ATP8A1: variants seen among roughly 807,000 people sequenced by gnomAD.
The protein encoded by ATP8A1 is ATPase phospholipid transporting 8A1, also known as phospholipid-transporting ATPase IA.
ATP8A1 carries 90 observed loss-of-function variants against 177.7 expected under a neutral mutation model. The observed-to-expected ratio is 0.51, with a 90% confidence interval of 0.43 to 0.60. The LOEUF is 0.60. Ranked by LOEUF, ATP8A1 falls within the 20% of genes least tolerant of loss-of-function variation. The pLI is 0.00. For synonymous variants in ATP8A1, 493 were observed against 485.9 expected (o/e 1.01, Z -0.19); for missense variants, 1,072 against 1,392.8 (o/e 0.77, Z 3.67).
chr4:42,515,103 C>T (rs990859533), intron 22 of ATP8A1, among the ~76,000 whole-genome samples: 2 of 152,168 alleles, frequency 1.3e-5, no homozygotes, highest in Non-Finnish European at 2.9e-5. Context: ...ACTTTAGAGG[C>T]CCTCCAACTA....
In ATP8A1 at chr4:42,575,660, T is replaced by C. The variant is rs761503527; in HGVS notation, c.1168A>G (p.Met390Val). Residue 390 changes from methionine to valine, a missense_variant, in exon 13 of 37, where the codon ATG becomes GTG. Met to Val is a conservative substitution (Grantham distance 21). Coordinates refer to ENST00000381668, the MANE Select transcript of ATP8A1 (RefSeq NM_006095.2). Reference sequence around the variant, plus strand: ...TCATTCAGATTAGATGTTCGAGCCATAGCAGCAGTGTCTGTGGGTTCATAG... The same window carrying C: ...TCATTCAGATTAGATGTTCGAGCCACAGCAGCAGTGTCTGTGGGTTCATAG... ...MHYEPTDTAA[M>V]ARTSNLNEEL... 13 of 1,613,770 alleles carry C rather than the reference T, an allele frequency of 8.1e-6. No homozygotes were observed. The highest frequency in any genetic ancestry group is 1.0e-5 in the Non-Finnish European group (12 of 1,179,758).
intron 20 of ATP8A1, among the ~76,000 whole-genome samples, chr4:42,529,387 G>A (rs1727025607): frequency 1.3e-5 from 2 of 152,186 alleles, no homozygotes; most frequent in South Asian, 4.1e-4. Context: ...ATTTGACCAT[G>A]GGTCATCAAG....
chr4:42,479,090 T>A (rs1721387972), intron 25 of ATP8A1, among the ~76,000 whole-genome samples: 1 of 152,222 alleles, frequency 6.6e-6, no homozygotes, highest in Non-Finnish European at 1.5e-5. Flanking sequence ...CCATGTTCAT[T>A]CATGAGCTAC....
intron 35 of ATP8A1, among the ~76,000 whole-genome samples, chr4:42,422,523 C>G (rs1714090684): frequency 6.6e-6 from 1 of 152,140 alleles, no homozygotes; most frequent in African/African-American, 2.4e-5. Flanking sequence ...ATGCTAAGTT[C>G]TTTATAATAC....
chr4:42,461,391 T>C lies in ATP8A1; in HGVS notation c.2619+3299A>G, dbSNP rs192962334. Among the ~76,000 whole-genome samples the C allele has an allele frequency of 1.2e-3, 179 of 152,170 alleles. 1 individual carries two copies. The highest frequency in any genetic ancestry group is 4.2e-3 in the African/African-American group (173 of 41,502). ...GGACTGGTGGGAGGTAATTGAGTCA[T>C]GGGGCCAAGTCTTTCCAATGCTGTT... On this transcript the variant is annotated intron_variant, in intron 27 of 36. Coordinates refer to ENST00000381668, the MANE Select transcript of ATP8A1 (RefSeq NM_006095.2).
Position 42,552,537 on chromosome 4 carries a change from C to T in ATP8A1, c.1487G>A (p.Gly496Asp). Reference sequence around the variant, plus strand: ...TGCTGCTTGATAAATAATCTTGTCACCTTCTCGCTCTGGCACTGCTGTGTG... The same window carrying T: ...TGCTGCTTGATAAATAATCTTGTCATCTTCTCGCTCTGGCACTGCTGTGTG... ...VCHTAVPEREGDKIIYQAASP... is the reference protein window; with the variant it reads ...VCHTAVPEREDDKIIYQAASP... The change falls in exon 17 of 37, where the codon GGT (glycine) becomes GAT (aspartate). Residue 496 changes from glycine to aspartate, a missense_variant. Coordinates refer to ENST00000381668, the MANE Select transcript of ATP8A1 (RefSeq NM_006095.2). 2.5e-6 allele frequency: 4 copies of T among 1,613,080 alleles called. No homozygotes were observed. The highest frequency in any genetic ancestry group is 3.4e-6 in the Non-Finnish European group (4 of 1,179,604).
At chr4:42,470,280 A>G (rs1720255052) in intron 25 of ATP8A1, among the ~76,000 whole-genome samples, 1 of 152,142 alleles carries the variant, frequency 6.6e-6, no homozygotes, top group Admixed American at 6.5e-5. Flanking sequence ...CATGTTATTC[A>G]TTATTTTTCT....
intron 33 of ATP8A1, 22 bp downstream of exon 33, chr4:42,443,543 G>T (rs765280728): frequency 2.2e-6 from 2 of 927,780 alleles, no homozygotes; most frequent in African/African-American, 1.6e-5. Flanking sequence ...TTGTTGGATT[G>T]TGAGTTATTA....
intron 35 of ATP8A1, among the ~76,000 whole-genome samples, chr4:42,416,932 A>G: frequency 6.6e-6 from 1 of 152,218 alleles, no homozygotes; most frequent in Non-Finnish European, 1.5e-5. Context: ...TTTCTAGTCA[A>G]CATAAGCGCA....
chr4:42,544,364 C>G (rs1184762539), intron 19 of ATP8A1, among the ~76,000 whole-genome samples: 1 of 152,068 alleles, frequency 6.6e-6, no homozygotes, highest in East Asian at 1.9e-4. Context: ...ATAGAAATAT[C>G]AATACAAATC....
In ATP8A1 at chr4:42,426,459, G is replaced by A. The variant is rs1321567312; in HGVS notation, c.3124-2754C>T. Among the ~76,000 whole-genome samples, 3 of 152,322 alleles carry A rather than the reference G, an allele frequency of 2.0e-5. No individual in the cohort carries two copies. In the East Asian group the frequency reaches 5.8e-4, roughly 29 times the overall value. ...AAGACTGTCTCCATGGACCCCAGTT[G>A]GAGCAGGTCTGGTGATAGGCCTGGA... On this transcript the variant is annotated intron_variant, in intron 33 of 36. Transcript: ENST00000381668.
chr4:42,507,870 AAC>A (rs2153194592), intron 22 of ATP8A1, among the ~76,000 whole-genome samples: 1 of 150,408 alleles, frequency 6.6e-6, no homozygotes, highest in African/African-American at 2.4e-5. Flanking sequence ...CCTGTTTAAA[AAC>A]AGTGAGGTTA....
intron 1 of ATP8A1, among the ~76,000 whole-genome samples, chr4:42,633,700 C>A (rs553974561): frequency 6.6e-6 from 1 of 152,206 alleles, no homozygotes; most frequent in Admixed American, 6.5e-5. Flanking sequence ...AAGGACCCAG[C>A]GAGTAAATAT....
In ATP8A1 at chr4:42,624,536, A is replaced by G. The variant is rs764010144; in HGVS notation, c.363T>C (p.Ile121=). 6 of 1,415,098 alleles carry G rather than the reference A, an allele frequency of 4.2e-6. No homozygotes were observed. The African/African-American group carries it at 5.9e-5, about 14-fold the overall frequency. 87.7% of individuals were successfully genotyped at this position (1,415,098 alleles called of 1,614,324 possible). The change falls in exon 4 of 37, where the codon ATT becomes ATC. Residue 121 remains isoleucine (I), a splice_region_variant and synonymous_variant. Transcript: ENST00000381668. ...AATTATGAAAAAATAGAATACTTAC[A>G]ATATCTTCTATTATCTCTTTGATAG... ...VAAIKEIIED[I]KRHKADNAVN... is the part of the protein sequence containing the mutation.
intron 1 of ATP8A1, among the ~76,000 whole-genome samples, chr4:42,650,733 GA>G (rs1409501610): frequency 1.3e-5 from 2 of 152,132 alleles, no homozygotes; most frequent in Non-Finnish European, 2.9e-5. Flanking sequence ...TTCAACAGAA[GA>G]AAACACAAAC....
chr4:42,597,347 G>A (rs1734820020), intron 6 of ATP8A1, among the ~76,000 whole-genome samples: 1 of 152,210 alleles, frequency 6.6e-6, no homozygotes, highest in Non-Finnish European at 1.5e-5. Context: ...ATCCCAACAA[G>A]TAAGGCTGCT....
At chr4:42,549,495 T>C (rs1273223706) in intron 18 of ATP8A1, among the ~76,000 whole-genome samples, 1 of 151,656 alleles carries the variant, frequency 6.6e-6, no homozygotes, top group Non-Finnish European at 1.5e-5. Context: ...CTTTAGAAAA[T>C]GATGGAAAAA....
chr4:42,425,228 G>T (rs566501187), intron 33 of ATP8A1, among the ~76,000 whole-genome samples: 2 of 152,212 alleles, frequency 1.3e-5, no homozygotes, highest in East Asian at 3.9e-4. Flanking sequence ...TTGGTTGGGG[G>T]GGGGCAAGAG....
chr4:42,483,838 G>C (rs1721937483), intron 25 of ATP8A1, among the ~76,000 whole-genome samples: 1 of 152,162 alleles, frequency 6.6e-6, no homozygotes, highest in South Asian at 2.1e-4. Context: ...ATTTGACTTA[G>C]AAAGAAAGAT....
Sources: gnomAD v4.1 joint callset for allele counts (sites outside exome capture counted in the v4.1 genomes callset) on GRCh38, gnomAD v4.1.1 for gene constraint, MANE v1.5 for transcripts, NCBI Gene and HGNC (gene_info 2026-07-23, HGNC 2026-07-21) for gene names.